KIF14: variants seen among roughly 807,000 people sequenced by gnomAD.
KIF14 encodes the protein kinesin family member 14.
In KIF14, 98 loss-of-function variants were observed where a neutral mutation model predicts 176.2. The observed-to-expected ratio is 0.56, with a 90% CI of 0.47 to 0.66. The LOEUF (loss-of-function observed/expected upper bound fraction) is 0.66, where lower values mean the gene tolerates loss of function less well. KIF14 is among the 30% of genes least tolerant of loss of function. KIF14 has a pLI of 0.00. For missense variants in KIF14, 1,751 were observed against 1,920.4 expected, an observed-to-expected ratio of 0.91 and a Z score of 1.65; for synonymous variants, 566 against 632.2, an observed-to-expected ratio of 0.90 and a Z score of 1.57.
At chr1:200,585,590 T>C (rs1322113947) in intron 19 of KIF14, among the ~76,000 whole-genome samples, 1 of 152,210 alleles carries the variant, frequency 6.6e-6, no homozygotes, top group Non-Finnish European at 1.5e-5. Context: ...GGGTGGCTTA[T>C]AAACAACAGC....
At chr1:200,613,367 C>A (rs1304185270) in intron 4 of KIF14, among the ~76,000 whole-genome samples, 1 of 152,170 alleles carries the variant, frequency 6.6e-6, no homozygotes, top group Non-Finnish European at 1.5e-5. Flanking sequence ...ATGTATCCTT[C>A]AAAAATAAGC....
chr1:200,560,990 G>A, intron 25 of KIF14, 110 bp from the exon 26 acceptor site: 1 of 959,044 alleles, frequency 1.0e-6, no homozygotes, highest in Non-Finnish European at 1.6e-6. Flanking sequence ...CAGCAGTTTG[G>A]GAGGCCGAGG....
At position 200,606,792 on chromosome 1, in the gene KIF14, C is replaced by T. The variant is rs1659904728; in HGVS notation, c.1561G>A (p.Val521Met). Reference protein sequence around the residue: ...ENGQRKQPLRVREHPVYGPYV... With the variant: ...ENGQRKQPLRMREHPVYGPYV... Reference sequence around the variant, plus strand: ...GGTCCATAAACAGGATGTTCCCTCACTCTCAGCTAGAAGAAGCAAATACAT... The same window carrying T: ...GGTCCATAAACAGGATGTTCCCTCATTCTCAGCTAGAAGAAGCAAATACAT... Residue 521 changes from valine (V) to methionine (M), a missense_variant, in exon 6 of 30, where the codon GTG (valine) becomes ATG (methionine). Physicochemically the swap from Val to Met is conservative, Grantham distance 21 (BLOSUM62 1). Coordinates refer to ENST00000367350, the MANE Select transcript of KIF14 (RefSeq NM_014875.3). 1 of 1,612,946 alleles carries T rather than the reference C, an allele frequency of 6.2e-7. No homozygotes were observed. Among genetic ancestry groups the T allele is most frequent in the Non-Finnish European group, 8.5e-7 (1 of 1,179,316 alleles).
Position 200,597,551 on chromosome 1 carries a change from G to A in KIF14, c.2549+686C>T, listed in dbSNP as rs1659415166. On this transcript the variant is annotated intron_variant, in intron 14 of 29. Coordinates refer to ENST00000367350, the MANE Select transcript of KIF14 (RefSeq NM_014875.3). ...CATCAGATTGGCATAAAGTCTGACA[G>A]TACTAAGTATTGGCAACGATGTGGA... Among the ~76,000 whole-genome samples, 3 of 152,188 alleles carry A rather than the reference G, an allele frequency of 2.0e-5. No homozygotes were observed. The South Asian group carries it at 6.2e-4, about 31-fold the overall frequency.
chr1:200,614,171 T>C, intron 4 of KIF14, 147 bp downstream of exon 4: 2 of 493,796 alleles, frequency 4.1e-6, no homozygotes, highest in Non-Finnish European at 3.6e-6. Context: ...CCACCCTCCC[T>C]CTCCATACCA....
intron 25 of KIF14, among the ~76,000 whole-genome samples, chr1:200,561,408 G>A (rs570169816): frequency 4.6e-5 from 7 of 151,520 alleles, no homozygotes; most frequent in African/African-American, 1.5e-4. Context: ...GCGTGGTGGC[G>A]GGCGCCTGTA....
Position 200,590,292 on chromosome 1 carries a change from T to C in KIF14, c.2814-20A>G. Reference sequence around the variant, plus strand: ...TCAAGTCTACAATGTAGCAAGATGTTTATAGGGTACATGTTAAGAATTCTT... The same window carrying C: ...TCAAGTCTACAATGTAGCAAGATGTCTATAGGGTACATGTTAAGAATTCTT... On this transcript the variant is annotated intron_variant, in intron 16 of 29. Transcript: ENST00000367350. 1 of 1,602,820 alleles carries C rather than the reference T, an allele frequency of 6.2e-7. No individual in the cohort carries two copies. Among genetic ancestry groups the C allele is most frequent in the Non-Finnish European group, 8.5e-7 (1 of 1,175,258 alleles).
At chr1:200,576,064 T>C (rs191487696) in intron 21 of KIF14, among the ~76,000 whole-genome samples, 6 of 152,352 alleles carry the variant, frequency 3.9e-5, no homozygotes, top group Admixed American at 3.9e-4. Context: ...GATTACAGTC[T>C]ATATTTTACA....
chr1:200,572,805 G>A (rs1657883305), intron 22 of KIF14, among the ~76,000 whole-genome samples: 1 of 152,084 alleles, frequency 6.6e-6, no homozygotes, highest in South Asian at 2.1e-4. Context: ...TTATTGGTCT[G>A]GTTTAAATTT....
At chr1:200,611,449 G>T (rs1660151258) in intron 4 of KIF14, among the ~76,000 whole-genome samples, 1 of 152,156 alleles carries the variant, frequency 6.6e-6, no homozygotes, top group African/African-American at 2.4e-5. Context: ...AAGAGACCAG[G>T]TATAAGGGAA....
intron 18 of KIF14, among the ~76,000 whole-genome samples, chr1:200,588,211 G>C (rs889525296): frequency 1.1e-4 from 17 of 151,136 alleles, no homozygotes; most frequent in Non-Finnish European, 2.4e-4. Context: ...TCTGGAGTGC[G>C]GCCTAAAAAT....
In KIF14 at chr1:200,560,895, T is replaced by C; in HGVS notation, c.4072-15A>G. ...AAACAGCATCCCTGTAAGATAAAAA[T>C]GGACAAGTGTATCAGATACATGAGA... On this transcript the variant is annotated splice_polypyrimidine_tract_variant and intron_variant, in intron 25 of 29. Coordinates refer to ENST00000367350, the MANE Select transcript of KIF14 (RefSeq NM_014875.3). 2.5e-6 allele frequency: 4 copies of C among 1,608,990 alleles called. No homozygotes were observed. Among genetic ancestry groups the C allele is most frequent in the Non-Finnish European group, 3.4e-6 (4 of 1,175,388 alleles).
At chr1:200,586,425 C>T (rs868113002) in intron 18 of KIF14, among the ~76,000 whole-genome samples, 198 bp from the exon 19 acceptor site, 19 of 152,028 alleles carry the variant, frequency 1.2e-4, no homozygotes, top group Non-Finnish European at 1.3e-4. Flanking sequence ...AATGATAACA[C>T]ACTACAGTAA....
intron 7 of KIF14, 94 bp from the exon 8 acceptor site, chr1:200,605,484 G>T: frequency 1.3e-6 from 1 of 771,452 alleles, no homozygotes. Flanking sequence ...TTGTAATTCA[G>T]ATCAGCAGAC....
At chr1:200,592,286 A>G in intron 15 of KIF14, 46 bp from the exon 16 acceptor site, 1 of 1,514,062 alleles carries the variant, frequency 6.6e-7, no homozygotes, top group Non-Finnish European at 8.9e-7. Flanking sequence ...GTCTCAACCA[A>G]AAAATTAAAT....
intron 7 of KIF14, 134 bp from the exon 8 acceptor site, chr1:200,605,524 GATAAC>G (rs1659837831): frequency 7.2e-6 from 4 of 558,246 alleles, no homozygotes; most frequent in Non-Finnish European, 1.2e-5. Flanking sequence ...AATTAAGAGA[GATAAC>G]ATATACACAT....
At chr1:200,616,942 G>A (rs1457239526) in intron 2 of KIF14, among the ~76,000 whole-genome samples, 1 of 152,058 alleles carries the variant, frequency 6.6e-6, no homozygotes, top group Non-Finnish European at 1.5e-5. Flanking sequence ...GTTTTGAAAG[G>A]ACCTCTTTAG....
rs755111782 is a variant in KIF14 at position 200,600,398 on chromosome 1, A to T, written c.2258T>A (p.Met753Lys). Residue 753 changes from methionine (M) to lysine (K), a missense_variant, in exon 12 of 30, where the codon ATG becomes AAG. Coordinates refer to ENST00000367350, the MANE Select transcript of KIF14 (RefSeq NM_014875.3). ...LCRQEITSLR[M>K]KLHQQERDMA... ...GTCTCTCTCCTGTTGATGCAGTTTC[A>T]TTCTTAAGGATGTTATTTCTTGCCG... is the stretch of plus-strand genomic sequence containing the variant. 1 of 1,613,864 alleles carries T rather than the reference A, an allele frequency of 6.2e-7. No homozygotes were observed. Among genetic ancestry groups the T allele is most frequent in the South Asian group, 1.1e-5 (1 of 91,084 alleles).
At chr1:200,598,569 A>T (rs1659478824) in intron 13 of KIF14, 148 bp from the exon 14 acceptor site, 1 of 541,786 alleles carries the variant, frequency 1.8e-6, no homozygotes, top group Non-Finnish European at 2.9e-6. Flanking sequence ...TTTTATTTTT[A>T]TTTTTTTGAG....
Sources: allele counts gnomAD v4.1 joint callset (sites outside exome capture counted in the v4.1 genomes callset), GRCh38; gene constraint gnomAD v4.1.1; transcripts MANE v1.5; gene names NCBI Gene and HGNC (gene_info 2026-07-23, HGNC 2026-07-21).